Variants in ZNF674 observed in about 807,000 individuals in gnomAD.
ZNF674 encodes the protein zinc finger protein 674.
In ZNF674, 2 loss-of-function variants were observed where a neutral mutation model predicts 7.0. That is an observed-to-expected ratio of 0.29 (90% CI 0.12 to 0.90). ZNF674 has a LOEUF of 0.90. Among genes scored for constraint, ZNF674 ranks in the 40% least tolerant of loss-of-function variants. ZNF674 has a pLI of 0.57. For missense variants in ZNF674, 297 were observed against 415.5 expected (o/e 0.71, Z 2.48); for synonymous variants, 103 against 145.2 (o/e 0.71, Z 2.09).
intron 5 of ZNF674, among the ~76,000 whole-genome samples, chrX:46,505,889 G>A (rs1316307894): frequency 1.8e-5 from 2 of 111,734 alleles, no homozygotes; most frequent in Non-Finnish European, 3.8e-5. Flanking sequence ...TGGCTCCCCA[G>A]CTCCATGAAA....
At chrX:46,513,108 C>G (rs765179660) in intron 5 of ZNF674, among the ~76,000 whole-genome samples, 69 of 109,831 alleles carry the variant, frequency 6.3e-4, no homozygotes, top group African/African-American at 2.2e-3. Flanking sequence ...ACTAAAAATA[C>G]AAAAATTAGC....
intron 2 of ZNF674, among the ~76,000 whole-genome samples, chrX:46,542,356 G>T (rs890481863): frequency 1.8e-5 from 2 of 112,017 alleles, no homozygotes; most frequent in Non-Finnish European, 3.8e-5. Context: ...TCAGAAACCA[G>T]TAACAACTTA....
In ZNF674 at chrX:46,501,064, C is replaced by T. The variant is rs1737368; in HGVS notation, c.510G>A (p.Lys170=). Residue 170 remains lysine (K), a synonymous_variant, in exon 6 of 6, where the codon AAG becomes AAA. Transcript: ENST00000683375. The part of the protein sequence containing the change: ...SYVRKKDDGC[K]AYWKVCLHYN... ...AATGGAGGCATACTTTCCAATATGC[C>T]TTACATCCATCATCTTTCTTTCTTA... The T allele has an allele frequency of 1.8e-5, 22 of 1,206,495 alleles. No homozygotes were observed. The highest frequency in any genetic ancestry group is 7.0e-5 in the African/African-American group (4 of 57,122).
chrX:46,523,193 G>T, intron 5 of ZNF674: 1 of 196,633 alleles, frequency 5.1e-6, no homozygotes, highest in Non-Finnish European at 9.6e-6. Context: ...TCTGTGAAAA[G>T]ATCAATACAA....
chrX:46,514,608 CA>C (rs1474875104), intron 5 of ZNF674, among the ~76,000 whole-genome samples: 1 of 112,228 alleles, frequency 8.9e-6, no homozygotes, highest in African/African-American at 3.2e-5. Context: ...AGGACATCTC[CA>C]AGGAAACCAT....
intron 5 of ZNF674, among the ~76,000 whole-genome samples, chrX:46,524,939 G>A (rs1344278263): frequency 9.1e-6 from 1 of 110,085 alleles, no homozygotes; most frequent in African/African-American, 3.3e-5. Flanking sequence ...CAGCACAGGC[G>A]TTCGAGGCTG....
chrX:46,517,977 A>G (rs190502577), intron 5 of ZNF674: 128 of 110,923 alleles, frequency 1.2e-3, no homozygotes, highest in African/African-American at 4.0e-3. Context: ...CCATAAACAT[A>G]TATACCTACT....
intron 3 of ZNF674, among the ~76,000 whole-genome samples, chrX:46,536,859 G>A (rs1437074652): frequency 8.9e-6 from 1 of 112,693 alleles, no homozygotes; most frequent in Non-Finnish European, 1.9e-5. Context: ...GTATTACCAG[G>A]TGACATTGCT....
At chrX:46,524,507 C>G (rs573524874) in intron 5 of ZNF674, among the ~76,000 whole-genome samples, 2 of 107,260 alleles carry the variant, frequency 1.9e-5, no homozygotes, top group African/African-American at 6.8e-5. Flanking sequence ...CTGACCAACA[C>G]GAAGAAACCC....
intron 3 of ZNF674, among the ~76,000 whole-genome samples, chrX:46,538,087 TC>T (rs1406659256): frequency 1.2e-4 from 11 of 89,800 alleles, no homozygotes; most frequent in Admixed American, 3.7e-4. Flanking sequence ...AGACTCCATC[TC>T]AAAAAAAAAA....
rs773266198 is a variant in ZNF674 at position 46,500,653 on chromosome X, T to A, written c.921A>T (p.Lys307Asn). 6.6e-6 allele frequency: 8 copies of A among 1,210,410 alleles called. No individual in the cohort carries two copies. In the East Asian group the frequency reaches 2.4e-4, roughly 36 times the overall value. Residue 307 changes from lysine (K) to asparagine (N), a missense_variant, in exon 6 of 6, where the codon AAA becomes AAT. By Grantham distance (94) the Lys-to-Asn change is moderately conservative. Coordinates refer to ENST00000683375, the MANE Select transcript of ZNF674 (RefSeq NM_001190417.2). The stretch of plus-strand genomic sequence containing the variant: ...ATGAACTCTTAAAGGCTTTTGGACA[T>A]TTGTCACATACAAATGGTTTCTCTC... ...HTGEKPFVCD[K>N]CPKAFKSSYH... is the part of the protein sequence containing the mutation.
At chrX:46,506,339 TAAC>T (rs1264461883) in intron 5 of ZNF674, among the ~76,000 whole-genome samples, 1 of 107,737 alleles carries the variant, frequency 9.3e-6, no homozygotes, top group Non-Finnish European at 1.9e-5. Flanking sequence ...GAAAGGAGCT[TAAC>T]AAAAAAGGCC....
At chrX:46,539,784 A>G (rs1391897102) in intron 3 of ZNF674, among the ~76,000 whole-genome samples, 1 of 112,461 alleles carries the variant, frequency 8.9e-6, no homozygotes, top group Non-Finnish European at 1.9e-5. Flanking sequence ...GATCAGAACC[A>G]TAATGACAAT....
At chrX:46,515,174 G>C (rs769287790) in intron 5 of ZNF674, among the ~76,000 whole-genome samples, 18 of 110,673 alleles carry the variant, frequency 1.6e-4, no homozygotes, top group Admixed American at 3.9e-4. Flanking sequence ...TTCAAGACTA[G>C]CCTGGCCAAC....
intron 3 of ZNF674, among the ~76,000 whole-genome samples, chrX:46,534,166 G>A (rs1942163389): frequency 9.1e-6 from 1 of 109,483 alleles, no homozygotes; most frequent in African/African-American, 3.3e-5. Context: ...GAACAGCATG[G>A]GGGAAACCGC....
intron 5 of ZNF674, among the ~76,000 whole-genome samples, chrX:46,511,257 T>C (rs1024646861): frequency 8.9e-6 from 1 of 112,041 alleles, no homozygotes; most frequent in African/African-American, 3.2e-5. Flanking sequence ...ATTATTCACA[T>C]AGAAGACCGA....
rs1941399033 is a variant in ZNF674 at position 46,500,483 on chromosome X, T to C, written c.1091A>G (p.Lys364Arg). 2 of 1,212,209 alleles carry C rather than the reference T, an allele frequency of 1.6e-6. No individual in the cohort carries two copies. Among genetic ancestry groups the C allele is most frequent in the East Asian group, 5.9e-5 (2 of 33,868 alleles). ...CSEHGKASDE[K>R]PSPTKHWRTH... Reference sequence around the variant, plus strand: ...TCTCCAATGTTTAGTGGGACTGGGCTTCTCATCAGAGGCTTTCCCATGTTC... The same window carrying C: ...TCTCCAATGTTTAGTGGGACTGGGCCTCTCATCAGAGGCTTTCCCATGTTC... Residue 364 changes from lysine to arginine, a missense_variant, in exon 6 of 6, where the codon AAG becomes AGG. Transcript: ENST00000683375.
intron 5 of ZNF674, chrX:46,517,889 C>T (rs1283967434): frequency 9.0e-6 from 1 of 110,520 alleles, no homozygotes; most frequent in African/African-American, 3.3e-5. Context: ...AGGATAAATG[C>T]TTGAGGGGAT....
chrX:46,517,054 C>T (rs1486684097), intron 5 of ZNF674, among the ~76,000 whole-genome samples: 1 of 110,287 alleles, frequency 9.1e-6, no homozygotes, highest in Non-Finnish European at 1.9e-5. Context: ...ACACAGTCCA[C>T]CACTATCCAG....
Sources: gnomAD v4.1 joint callset for allele counts (sites outside exome capture counted in the v4.1 genomes callset) on GRCh38, gnomAD v4.1.1 for gene constraint, MANE v1.5 for transcripts, NCBI Gene and HGNC (gene_info 2026-07-23, HGNC 2026-07-21) for gene names.